The following SHISA9 variants were observed in gnomAD, a reference collection of about 807,000 sequenced individuals.
SHISA9 encodes shisa family member 9.
In SHISA9, 13 loss-of-function variants were observed where a neutral mutation model predicts 38.0. The ratio of observed to expected loss-of-function variants is 0.34; its 90% CI spans 0.22 to 0.54. The LOEUF (loss-of-function observed/expected upper bound fraction) is 0.54, where lower values mean the gene tolerates loss of function less well. SHISA9 is among the 20% of genes least tolerant of loss of function. The pLI is 0.91. For synonymous variants in SHISA9, 275 were observed against 242.0 expected (o/e 1.14, Z -1.27); for missense variants, 538 against 575.8 (o/e 0.93, Z 0.67).
At chr16:13,139,661 C>A (rs868290566) in intron 2 of SHISA9, among the ~76,000 whole-genome samples, 12 of 152,142 alleles carry the variant, frequency 7.9e-5, no homozygotes, top group Middle Eastern at 6.8e-3. Flanking sequence ...GTCTTGGAAA[C>A]AATTCTTCAG....
chr16:13,092,215 A>C (rs1026512966), intron 2 of SHISA9, among the ~76,000 whole-genome samples: 1 of 152,144 alleles, frequency 6.6e-6, no homozygotes, highest in Admixed American at 6.5e-5. Context: ...AGGGGCAGCC[A>C]CCTATATGAG....
chr16:13,061,007 A>G lies in SHISA9; in HGVS notation c.692-142387A>G, dbSNP rs2073368917. Among the ~76,000 whole-genome samples, 3 of 152,210 alleles carry G rather than the reference A, an allele frequency of 2.0e-5. No individual in the cohort carries two copies. The South Asian group carries it at 6.2e-4, about 32-fold the overall frequency. ...CCATGTCCCCTCCAAGGCATGGTGC[A>G]TGGTATGGGGATCGGGGACCTTGTG... On this transcript the variant is annotated intron_variant, in intron 2 of 4. Transcript: ENST00000558583.
chr16:13,271,947 C>G, the SHISA9 span, among the ~76,000 whole-genome samples: 2 of 151,960 alleles, frequency 1.3e-5, no homozygotes, highest in Non-Finnish European at 2.9e-5. Context: ...GGCATGGTAG[C>G]AGGCACCTGT....
the SHISA9 span, among the ~76,000 whole-genome samples, chr16:13,364,713 G>C: frequency 6.6e-6 from 1 of 152,164 alleles, no homozygotes; most frequent in South Asian, 2.1e-4. Context: ...AAAGAAGTGC[G>C]CTCTTTGAAT....
At chr16:13,380,313 A>G in the SHISA9 span, among the ~76,000 whole-genome samples, 1 of 152,242 alleles carries the variant, frequency 6.6e-6, no homozygotes, top group South Asian at 2.1e-4. Flanking sequence ...CAGTCAAATC[A>G]GGATGTATCA....
the SHISA9 span, among the ~76,000 whole-genome samples, chr16:13,506,592 G>A: frequency 6.6e-6 from 1 of 152,184 alleles, no homozygotes; most frequent in African/African-American, 2.4e-5. Context: ...GCCAATTCAA[G>A]TGCCTTCTGT....
At chr16:12,950,370 G>A (rs2071738749) in intron 2 of SHISA9, among the ~76,000 whole-genome samples, 2 of 152,002 alleles carry the variant, frequency 1.3e-5, no homozygotes, top group African/African-American at 2.4e-5. Context: ...CTTTTCTTTT[G>A]CATATATACC....
the SHISA9 span, among the ~76,000 whole-genome samples, chr16:13,374,167 T>C: frequency 4.6e-5 from 7 of 151,758 alleles, no homozygotes; most frequent in African/African-American, 9.7e-5. Flanking sequence ...TATTTTTTTT[T>C]CTTTTTTTTT....
rs557646261 is a variant in SHISA9, at chr16:13,089,392, G to T, written c.692-114002G>T. 3.9e-5 allele frequency among the ~76,000 whole-genome samples: 6 copies of T among 152,252 alleles called. No homozygotes were observed. The South Asian group carries it at 1.2e-3, about 32-fold the overall frequency. Reference sequence around the variant, plus strand: ...GAAGGAATGGTACCAGCTCCTCTTTGTACCTCTGGTAGAATTCGGCTGTGA... The same window carrying T: ...GAAGGAATGGTACCAGCTCCTCTTTTTACCTCTGGTAGAATTCGGCTGTGA... On this transcript the variant is annotated intron_variant, in intron 2 of 4. Coordinates refer to ENST00000558583, the MANE Select transcript of SHISA9 (RefSeq NM_001145204.3).
In SHISA9 at chr16:12,902,116, G is replaced by A. The variant is rs925374497; in HGVS notation, c.52G>A (p.Ala18Thr). 1.3e-6 allele frequency: 2 copies of A among 1,498,206 alleles called. No individual in the cohort carries two copies. The highest frequency in any genetic ancestry group is 1.5e-5 in the African/African-American group (1 of 68,460). The allele number at this position is 1,498,206 out of a possible 1,614,324, so 92.8% of individuals were successfully genotyped here. A position where few individuals can be genotyped will look rare whatever the true frequency, so the allele number is the denominator to read the frequency against. The change falls in exon 1 of 5, where the codon GCC (alanine) becomes ACC (threonine). Residue 18 changes from alanine to threonine, a missense_variant. This residue lies in a region of SHISA9 where 107 missense variants were observed against 103.0 expected (regional missense o/e 1.04). Transcript: ENST00000558583. ...CGGTTGCTTCCTCACCGAGCTGTGC[G>A]CCCGCGTGTGCCGGGCGCAGGAGCG... ...LLGCFLTELC[A>T]RVCRAQERAG...
chr16:13,473,570 C>A, the SHISA9 span, among the ~76,000 whole-genome samples: 1 of 152,104 alleles, frequency 6.6e-6, no homozygotes, highest in African/African-American at 2.4e-5. Flanking sequence ...CCCTGAAATA[C>A]CCACCCTTCC....
At chr16:12,936,849 C>A (rs989397647) in intron 2 of SHISA9, among the ~76,000 whole-genome samples, 1 of 152,124 alleles carries the variant, frequency 6.6e-6, no homozygotes, top group Non-Finnish European at 1.5e-5. Flanking sequence ...ATGGCTCCTG[C>A]TTGTTTACAG....
chr16:13,523,948 C>T, the SHISA9 span, among the ~76,000 whole-genome samples: 1 of 152,106 alleles, frequency 6.6e-6, no homozygotes, highest in African/African-American at 2.4e-5. Context: ...GAGGAAAGTA[C>T]TACTATTATT....
chr16:13,491,978 A>G, the SHISA9 span, among the ~76,000 whole-genome samples: 42,873 of 150,646 alleles, frequency 0.28, 6,690 homozygotes, highest in East Asian at 0.37. Context: ...TGTCTAGCTA[A>G]GGGCTGGGAT....
At chr16:12,932,201 C>G (rs554176986) in intron 2 of SHISA9, among the ~76,000 whole-genome samples, 1 of 152,126 alleles carries the variant, frequency 6.6e-6, no homozygotes. Context: ...TCAGGTATGT[C>G]TTTATTAGCA....
chr16:13,515,660 G>A, the SHISA9 span, among the ~76,000 whole-genome samples: 1 of 152,106 alleles, frequency 6.6e-6, no homozygotes, highest in Admixed American at 6.6e-5. Context: ...TTATAGATAG[G>A]AAGCCTTGTC....
intron 2 of SHISA9, among the ~76,000 whole-genome samples, chr16:13,181,264 A>ATT (rs1316603890): frequency 8.6e-6 from 1 of 115,712 alleles, no homozygotes; most frequent in East Asian, 2.5e-4. Context: ...CTAAAATAAA[A>ATT]TTTTATATAT....
chr16:13,459,220 G>A, the SHISA9 span, among the ~76,000 whole-genome samples: 1 of 152,144 alleles, frequency 6.6e-6, no homozygotes, highest in Non-Finnish European at 1.5e-5. Context: ...ATATTTGTAG[G>A]ATGTGCCCGT....
At chr16:13,041,732 A>G (rs1204858771) in intron 2 of SHISA9, among the ~76,000 whole-genome samples, 1 of 152,172 alleles carries the variant, frequency 6.6e-6, no homozygotes, top group East Asian at 1.9e-4. Context: ...CAGTTCTCAA[A>G]CTGTAGGGTA....
Sources: gnomAD v4.1 joint callset for allele counts (sites outside exome capture counted in the v4.1 genomes callset) on GRCh38, gnomAD v4.1.1 for gene constraint, gnomAD v4.1.1 regional missense constraint, MANE v1.5 for transcripts, NCBI Gene and HGNC (gene_info 2026-07-23, HGNC 2026-07-21) for gene names.